The following NXPE4 variants were observed in gnomAD, a reference collection of about 807,000 sequenced individuals.
The protein encoded by NXPE4 is NXPE family member 4.
NXPE4 carries 42 observed loss-of-function variants against 33.3 expected under a neutral mutation model. That is an observed-to-expected ratio of 1.26 (90% CI 0.98 to 1.63). NXPE4 has a LOEUF of 1.63. Among genes scored for constraint, NXPE4 ranks in the 40% most tolerant of loss-of-function variants. NXPE4 has a pLI of 0.00. For missense variants in NXPE4, 709 were observed against 647.6 expected (o/e 1.09, Z -1.03); for synonymous variants, 253 against 234.9 (o/e 1.08, Z -0.71).
Position 114,580,294 on chromosome 11 carries a change from A to G in NXPE4, c.937T>C (p.Ser313Pro), listed in dbSNP as rs772742211. 4 of 1,613,938 alleles carry G rather than the reference A, an allele frequency of 2.5e-6. No homozygotes were observed. The African/African-American group carries it at 4.0e-5, about 16-fold the overall frequency. ...MKEKCKFGMTSTIPSGHVWRN... is the reference protein window; with the variant it reads ...MKEKCKFGMTPTIPSGHVWRN... ...CAGACATGCCCACTGGGGATTGTGG[A>G]TGTCATTCCAAACTTGCATTTCTCT... is the stretch of plus-strand genomic sequence containing the variant. The change falls in exon 5 of 6, where the codon TCC becomes CCC. Residue 313 changes from serine (S) to proline (P), a missense_variant. Ser to Pro is a moderately conservative substitution (Grantham distance 74). Coordinates refer to ENST00000375478, the MANE Select transcript of NXPE4 (RefSeq NM_001077639.2).
At chr11:114,596,321 G>C (rs908198541), upstream of NXPE4, among the ~76,000 whole-genome samples, 2 of 152,178 alleles carry the variant, frequency 1.3e-5, no homozygotes, top group African/African-American at 4.8e-5. Context: ...TGAAAACAGT[G>C]CTGGAAAGAG....
intron 5 of NXPE4, among the ~76,000 whole-genome samples, chr11:114,577,374 T>G (rs1439838686): frequency 6.6e-6 from 1 of 151,712 alleles, no homozygotes; most frequent in African/African-American, 2.4e-5. Context: ...TTAAGAATGA[T>G]ACAGTGGACT....
the NXPE4 span, among the ~76,000 whole-genome samples, chr11:114,631,270 A>G: frequency 5.9e-5 from 9 of 151,832 alleles, no homozygotes; most frequent in African/African-American, 1.9e-4. Context: ...CTTGGAACCA[A>G]CCAAAATGTC....
chr11:114,597,809 C>T (rs1949593528), upstream of NXPE4, among the ~76,000 whole-genome samples: 1 of 152,112 alleles, frequency 6.6e-6, no homozygotes, highest in South Asian at 2.1e-4. Flanking sequence ...AAAGTTGCAA[C>T]AATTTGAGCC....
the NXPE4 span, among the ~76,000 whole-genome samples, chr11:114,620,096 C>A: frequency 6.6e-6 from 1 of 152,028 alleles, no homozygotes; most frequent in Non-Finnish European, 1.5e-5. Flanking sequence ...TCTTGGGTAA[C>A]CACTGTTACC....
chr11:114,616,366 A>G, the NXPE4 span, among the ~76,000 whole-genome samples: 1 of 151,492 alleles, frequency 6.6e-6, no homozygotes, highest in Non-Finnish European at 1.5e-5. Flanking sequence ...ACGTGTAACC[A>G]CTGTTACCCA....
At chr11:114,585,589 A>G (rs1013639306) in intron 2 of NXPE4, among the ~76,000 whole-genome samples, 2 of 152,090 alleles carry the variant, frequency 1.3e-5, no homozygotes, top group Non-Finnish European at 2.9e-5. Context: ...TGACAAATAT[A>G]TGTACGTGTG....
At chr11:114,605,197 T>A in the NXPE4 span, among the ~76,000 whole-genome samples, 1 of 151,890 alleles carries the variant, frequency 6.6e-6, no homozygotes, top group Non-Finnish European at 1.5e-5. Context: ...TCTTACCCAG[T>A]GGATAATAAG....
At chr11:114,620,832 T>C in the NXPE4 span, among the ~76,000 whole-genome samples, 6 of 152,046 alleles carry the variant, frequency 3.9e-5, no homozygotes, top group Non-Finnish European at 8.8e-5. Flanking sequence ...CTGTGTCTAA[T>C]AAGTGTTGCC....
intron 2 of NXPE4, chr11:114,584,072 T>A: frequency 3.2e-6 from 1 of 312,466 alleles, no homozygotes; most frequent in South Asian, 3.0e-5. Flanking sequence ...CTTAGATTGC[T>A]TTAATCTGAT....
chr11:114,626,127 T>A, the NXPE4 span, among the ~76,000 whole-genome samples: 1 of 152,056 alleles, frequency 6.6e-6, no homozygotes, highest in Admixed American at 6.5e-5. Flanking sequence ...CCAGGCTTGC[T>A]TAGGTAAACA....
At chr11:114,634,513 G>T in the NXPE4 span, among the ~76,000 whole-genome samples, 1 of 152,012 alleles carries the variant, frequency 6.6e-6, no homozygotes, top group Admixed American at 6.6e-5. Context: ...ATTGCTTTTG[G>T]TGTTTTAGAC....
chr11:114,610,483 T>C, the NXPE4 span, among the ~76,000 whole-genome samples: 1 of 151,828 alleles, frequency 6.6e-6, no homozygotes, highest in Non-Finnish European at 1.5e-5. Flanking sequence ...GTAACCACTG[T>C]TACCCAGTGG....
the NXPE4 span, among the ~76,000 whole-genome samples, chr11:114,654,489 C>A: frequency 2.6e-5 from 4 of 152,172 alleles, no homozygotes; most frequent in South Asian, 6.2e-4. Flanking sequence ...CAACCCCCAA[C>A]AGGCTCTGGT....
chr11:114,619,835 C>G, the NXPE4 span, among the ~76,000 whole-genome samples: 1 of 151,914 alleles, frequency 6.6e-6, no homozygotes, highest in Non-Finnish European at 1.5e-5. Context: ...AGTGTTGCCT[C>G]GTTGGTAACC....
At chr11:114,667,610 G>C in the NXPE4 span, among the ~76,000 whole-genome samples, 2 of 152,036 alleles carry the variant, frequency 1.3e-5, no homozygotes, top group East Asian at 3.9e-4. Flanking sequence ...TTTCTCTCTT[G>C]GATTACTTGC....
chr11:114,643,157 C>A, the NXPE4 span, among the ~76,000 whole-genome samples: 2 of 151,942 alleles, frequency 1.3e-5, no homozygotes, highest in African/African-American at 4.8e-5. Context: ...TGGATATTAG[C>A]CCTTTGTCAG....
At chr11:114,653,392 T>A in the NXPE4 span, among the ~76,000 whole-genome samples, 1 of 152,206 alleles carries the variant, frequency 6.6e-6, no homozygotes, top group South Asian at 2.1e-4. Context: ...ATAAACCATC[T>A]ATTTTTTTTC....
At chr11:114,643,195 A>G in the NXPE4 span, among the ~76,000 whole-genome samples, 3 of 152,004 alleles carry the variant, frequency 2.0e-5, no homozygotes, top group African/African-American at 7.2e-5. Context: ...ATTTTCTCCC[A>G]TTCTGTAGGT....
Sources: allele counts gnomAD v4.1 joint callset (sites outside exome capture counted in the v4.1 genomes callset), GRCh38; gene constraint gnomAD v4.1.1; transcripts MANE v1.5; gene names NCBI Gene and HGNC (gene_info 2026-07-23, HGNC 2026-07-21).